Variants in CASS4 observed in about 807,000 individuals in gnomAD.
CASS4 encodes Cas scaffold protein family member 4.
In CASS4, 22 loss-of-function variants were observed where a neutral mutation model predicts 54.2. The ratio of observed to expected loss-of-function variants is 0.41; its 90% CI spans 0.29 to 0.58. The LOEUF (loss-of-function observed/expected upper bound fraction) is 0.58. Among genes scored for constraint, CASS4 ranks in the 20% least tolerant of loss-of-function variants. The probability of loss-of-function intolerance (pLI) is 0.36; values close to 1 mark genes in which losing one functional copy is unlikely to be tolerated. For synonymous variants in CASS4, 409 were observed against 391.5 expected, an observed-to-expected ratio of 1.04 and a Z score of -0.53; for missense variants, 854 against 986.7, an observed-to-expected ratio of 0.87 and a Z score of 1.80.
At chr20:56,415,197 A>G (rs1460392651) in intron 1 of CASS4, among the ~76,000 whole-genome samples, 1 of 152,200 alleles carries the variant, frequency 6.6e-6, no homozygotes, top group African/African-American at 2.4e-5. Context: ...GCCAAATACA[A>G]TCTCTGTTGC....
intron 1 of CASS4, among the ~76,000 whole-genome samples, chr20:56,419,739 C>T (rs1431568358): frequency 6.7e-6 from 1 of 148,946 alleles, no homozygotes; most frequent in Non-Finnish European, 1.5e-5. Flanking sequence ...CTAGGCTCTG[C>T]ACTCTTAAAA....
intron 5 of CASS4, among the ~76,000 whole-genome samples, chr20:56,457,805 A>T (rs4811695): frequency 0.4 from 61,158 of 151,802 alleles, 13,361 homozygotes; most frequent in East Asian, 0.93. Flanking sequence ...ATTTGAGATC[A>T]GGGGTTCAAA....
chr20:56,437,665 G>C lies in CASS4; in HGVS notation c.459+79G>C. On this transcript the variant is annotated intron_variant, in intron 2 of 5. Transcript: ENST00000679887. This position sits in a 1 kb window ranked among gnomAD's most constrained non-coding sequence, Gnocchi z 4.7. ...AGGCCTAACTACCTCTTGAGGCATG[G>C]GTGTCCTTCAGATCAAACACGCAAA... The C allele has an allele frequency of 7.7e-7, 1 of 1,301,238 alleles. No homozygotes were observed. The highest frequency in any genetic ancestry group is 1.0e-6 in the Non-Finnish European group (1 of 959,864). 80.6% of individuals were successfully genotyped at this position (1,301,238 alleles called of 1,614,324 possible).
chr20:56,441,614 A>T (rs1490998844), intron 2 of CASS4, among the ~76,000 whole-genome samples: 1 of 152,002 alleles, frequency 6.6e-6, no homozygotes, highest in Non-Finnish European at 1.5e-5. Context: ...TCAAAAAAAT[A>T]ATAATAATTT....
At chr20:56,423,743 C>T (rs899405475) in intron 1 of CASS4, among the ~76,000 whole-genome samples, 1 of 152,090 alleles carries the variant, frequency 6.6e-6, no homozygotes. Flanking sequence ...CGGGGTTTCA[C>T]CATGTTGGCC....
At chr20:56,421,712 AAAAG>A (rs1396670383) in intron 1 of CASS4, among the ~76,000 whole-genome samples, 1 of 152,106 alleles carries the variant, frequency 6.6e-6, no homozygotes, top group Non-Finnish European at 1.5e-5. Flanking sequence ...AGAAAAGAGA[AAAAG>A]AAACACAGGC....
intron 5 of CASS4, among the ~76,000 whole-genome samples, chr20:56,454,811 G>A (rs944027079): frequency 2.0e-5 from 3 of 152,158 alleles, no homozygotes; most frequent in East Asian, 1.9e-4. Flanking sequence ...ATCATGCTAC[G>A]GATAGCTCAA....
In CASS4 at chr20:56,437,203, T is replaced by A. The variant is rs774376848; in HGVS notation, c.76T>A (p.Cys26Ser). Residue 26 changes from cysteine (C) to serine (S), a missense_variant, in exon 2 of 6, where the codon TGC becomes AGC. Physicochemically the swap from Cys to Ser is moderately radical, Grantham distance 112 (BLOSUM62 -1). Transcript: ENST00000679887. This position sits in a 1 kb window ranked among gnomAD's most constrained non-coding sequence, Gnocchi z 4.7. ...ARALYDNCPD[C>S]SDELAFSRGD... is the part of the protein sequence containing the mutation. Reference sequence around the variant, plus strand: ...GGCACTTTATGACAACTGCCCTGACTGCTCTGACGAGCTGGCTTTCAGCAG... The same window carrying A: ...GGCACTTTATGACAACTGCCCTGACAGCTCTGACGAGCTGGCTTTCAGCAG... 7 of 1,594,624 alleles carry A rather than the reference T, an allele frequency of 4.4e-6. No individual in the cohort carries two copies. The highest frequency in any genetic ancestry group is 6.0e-6 in the Non-Finnish European group (7 of 1,168,672).
chr20:56,437,123 G>T lies in CASS4; in HGVS notation c.37-41G>T. 6.7e-7 allele frequency: 1 copy of T among 1,498,516 alleles called. No individual in the cohort carries two copies. Among genetic ancestry groups the T allele is most frequent in the Non-Finnish European group, 8.9e-7 (1 of 1,117,428 alleles). 92.8% of individuals were successfully genotyped at this position (1,498,516 alleles called of 1,614,324 possible). A position where few individuals can be genotyped will look rare whatever the true frequency, so the allele number is the denominator to read the frequency against. On this transcript the variant is annotated intron_variant, in intron 1 of 5. Coordinates refer to ENST00000679887, the MANE Select transcript of CASS4 (RefSeq NM_020356.4). The surrounding 1 kb of genome is among the most constrained non-coding windows in gnomAD (Gnocchi z 4.7). ...GATTGGAGTAGCAGTCACTGGCCAC[G>T]GTGCTAACTGCAAATTCTCTTCTCC...
chr20:56,452,518 C>T lies in CASS4; in HGVS notation c.1342C>T (p.Gln448Ter), dbSNP rs1238134051. The T allele has an allele frequency of 1.2e-6, 2 of 1,613,934 alleles. No individual in the cohort carries two copies. The highest frequency in any genetic ancestry group is 1.7e-6 in the Non-Finnish European group (2 of 1,179,880). ...DVAKETVMAL[Q>*]HKVVSSVAGL... ...GGCCAAGGAGACAGTGATGGCTCTG[C>T]AGCACAAGGTGGTCAGCTCTGTCGC... Residue 448 changes from glutamine (Q) to a stop codon, truncating the protein, a stop_gained, in exon 5 of 6, where the codon CAG becomes TAG. Coordinates refer to ENST00000679887, the MANE Select transcript of CASS4 (RefSeq NM_020356.4). LOFTEE classifies it high-confidence loss of function.
At chr20:56,416,433 A>G (rs894488442) in intron 1 of CASS4, among the ~76,000 whole-genome samples, 1 of 152,054 alleles carries the variant, frequency 6.6e-6, no homozygotes, top group Non-Finnish European at 1.5e-5. Context: ...CTTATTTTGG[A>G]TTTTTGGTAG....
intron 2 of CASS4, among the ~76,000 whole-genome samples, chr20:56,442,198 G>A (rs1044753617): frequency 2.0e-5 from 3 of 151,872 alleles, no homozygotes; most frequent in East Asian, 3.9e-4. Flanking sequence ...ATCCGAGAAG[G>A]TGGAAACATG....
chr20:56,437,970 GAAGTTAC>G lies in CASS4; in HGVS notation c.459+386_459+392del, dbSNP rs1980275528. On this transcript the variant is annotated intron_variant, in intron 2 of 5. Transcript: ENST00000679887. The surrounding 1 kb of genome is among the most constrained non-coding windows in gnomAD (Gnocchi z 4.7). ...GGGGTTTCCATGGGTTCAGAGGCAA[GAAGTTAC>G]ACATCGCATTTAAAATGTATATTCC... Among the ~76,000 whole-genome samples, 1 of 152,154 alleles carries G rather than the reference GAAGTTAC, an allele frequency of 6.6e-6. No homozygotes were observed. The highest frequency in any genetic ancestry group is 2.1e-4 in the South Asian group (1 of 4,828).
chr20:56,412,183 TACAG>T (rs1489911065), upstream of CASS4: 4 of 479,876 alleles, frequency 8.3e-6, no homozygotes, highest in South Asian at 2.4e-5. This position sits in a 1 kb window ranked among gnomAD's most constrained non-coding sequence, Gnocchi z 4.2. Context: ...AGTCTCTACT[TACAG>T]ACAAAGTGAG....
At chr20:56,420,000 G>A (rs1275170140) in intron 1 of CASS4, among the ~76,000 whole-genome samples, 2 of 152,084 alleles carry the variant, frequency 1.3e-5, no homozygotes, top group African/African-American at 2.4e-5. Context: ...CCGAAATCAC[G>A]CCATTGCACT....
intron 2 of CASS4, among the ~76,000 whole-genome samples, chr20:56,440,927 C>T (rs887286183): frequency 1.3e-5 from 2 of 151,996 alleles, no homozygotes; most frequent in African/African-American, 4.8e-5. Context: ...CCATGTCTGC[C>T]CTACCTACAA....
Position 56,458,460 on chromosome 20 carries a change from G to C in CASS4, c.2074G>C (p.Gly692Arg), listed in dbSNP as rs768196425. 7 of 1,614,122 alleles carry C rather than the reference G, an allele frequency of 4.3e-6. No homozygotes were observed. Among genetic ancestry groups the C allele is most frequent in the Non-Finnish European group, 8.5e-7 (1 of 1,180,028 alleles). Residue 692 changes from glycine (G) to arginine (R), a missense_variant, in exon 6 of 6, where the codon GGC (glycine) becomes CGC (arginine). Transcript: ENST00000679887. ...ALFKAISAFH[G>R]SLSSSQPAEI... ...CTTCAAAGCCATCAGCGCATTTCAC[G>C]GCAGCCTCAGCAGCAGCCAGCCCGC...
At chr20:56,439,218 G>C (rs1402253798) in intron 2 of CASS4, among the ~76,000 whole-genome samples, 2 of 151,918 alleles carry the variant, frequency 1.3e-5, no homozygotes, top group Non-Finnish European at 2.9e-5. Context: ...TCCCAGGCTG[G>C]AATGCAGTGG....
intron 3 of CASS4, among the ~76,000 whole-genome samples, chr20:56,449,576 G>A (rs1288275310): frequency 1.3e-5 from 2 of 151,900 alleles, no homozygotes; most frequent in East Asian, 1.9e-4. Flanking sequence ...AAACCTCCAC[G>A]TTGTGCACAT....
Sources: gnomAD v4.1 joint callset for allele counts (sites outside exome capture counted in the v4.1 genomes callset) on GRCh38, gnomAD v4.1.1 for gene constraint, Gnocchi (gnomAD v3.1) non-coding constraint, MANE v1.5 for transcripts, NCBI Gene and HGNC (gene_info 2026-07-23, HGNC 2026-07-21) for gene names.